Variants in NDC1 observed in about 807,000 individuals in gnomAD.
The protein encoded by NDC1 is nucleoporin NDC1.
NDC1 carries 24 observed loss-of-function variants against 89.8 expected under a neutral mutation model. The ratio of observed to expected loss-of-function variants is 0.27; its 90% confidence interval spans 0.19 to 0.38. NDC1 has a LOEUF of 0.38. Among genes scored for constraint, NDC1 ranks in the 10% least tolerant of loss-of-function variants. The probability of loss-of-function intolerance (pLI) is 1.00; values close to 1 mark genes in which losing one functional copy is unlikely to be tolerated. For synonymous variants in NDC1, 296 were observed against 284.8 expected (o/e 1.04, Z -0.39); for missense variants, 728 against 797.6 (o/e 0.91, Z 1.05).
At chr1:53,824,299 G>A (rs1199485561) in intron 5 of NDC1, among the ~76,000 whole-genome samples, 1 of 151,466 alleles carries the variant, frequency 6.6e-6, no homozygotes, top group Non-Finnish European at 1.5e-5. Flanking sequence ...ACACGGTCTA[G>A]CCATGTTGCC....
In NDC1 at chr1:53,827,996, T is replaced by C; in HGVS notation, c.455+3A>G. 1 of 1,591,716 alleles carries C rather than the reference T, an allele frequency of 6.3e-7. No homozygotes were observed. The highest frequency in any genetic ancestry group is 8.6e-7 in the Non-Finnish European group (1 of 1,167,382). On this transcript the variant is annotated splice_donor_region_variant and intron_variant, in intron 4 of 17. Coordinates refer to ENST00000371429, the MANE Select transcript of NDC1 (RefSeq NM_018087.5). ...TCCTAAGGAAATATATATTTAATAT[T>C]ACCTGTTAGTACCAGTGCAGGGAAC...
At chr1:53,827,279 A>C (rs901095896) in intron 4 of NDC1, among the ~76,000 whole-genome samples, 6 of 151,646 alleles carry the variant, frequency 4.0e-5, no homozygotes, top group East Asian at 1.9e-4. Context: ...AAAAAAAAAA[A>C]AAAAAAAACA....
intron 6 of NDC1, among the ~76,000 whole-genome samples, chr1:53,813,342 G>T (rs1648373392): frequency 6.6e-6 from 1 of 152,074 alleles, no homozygotes; most frequent in Admixed American, 6.5e-5. Context: ...ACCACAGAAT[G>T]GATAAGAACT....
In NDC1 at chr1:53,835,597, T is replaced by C. The variant is rs1239729818; in HGVS notation, c.81A>G (p.Ala27=). 6.2e-7 allele frequency: 1 copy of C among 1,612,622 alleles called. No homozygotes were observed. Among genetic ancestry groups the C allele is most frequent in the Non-Finnish European group, 8.5e-7 (1 of 1,179,428 alleles). ...LWRVLGWRIV[A]SIVWSVLFLP... ...GAAATAGCACTGACCAAACAATACTTGCAACTATCCTCCAGCCCAAAACCT... is the reference window on the plus strand; with the variant it reads ...GAAATAGCACTGACCAAACAATACTCGCAACTATCCTCCAGCCCAAAACCT... The change falls in exon 2 of 18, where the codon GCA becomes GCG. Residue 27 remains alanine, a synonymous_variant. Transcript: ENST00000371429.
intron 4 of NDC1, among the ~76,000 whole-genome samples, chr1:53,826,706 G>C (rs1375509486): frequency 6.6e-6 from 1 of 152,012 alleles, no homozygotes; most frequent in Non-Finnish European, 1.5e-5. Flanking sequence ...AGATATCTGG[G>C]GGTATACAGA....
chr1:53,829,667 A>G (rs1648987673), intron 3 of NDC1, among the ~76,000 whole-genome samples: 1 of 152,210 alleles, frequency 6.6e-6, no homozygotes, highest in Non-Finnish European at 1.5e-5. Context: ...TGGTTACTGA[A>G]GGAATGAGCC....
chr1:53,806,841 A>G (rs1050514268), intron 8 of NDC1, among the ~76,000 whole-genome samples: 3 of 152,258 alleles, frequency 2.0e-5, no homozygotes, highest in African/African-American at 7.2e-5. Context: ...TGGATGATAA[A>G]AACAATGTAA....
At chr1:53,810,076 A>G (rs959600280) in intron 6 of NDC1, among the ~76,000 whole-genome samples, 3 of 152,238 alleles carry the variant, frequency 2.0e-5, no homozygotes, top group Non-Finnish European at 4.4e-5. Context: ...ACACAAATCA[A>G]TATGTAGATA....
rs936700121 is a variant in NDC1, at chr1:53,819,023, A to C, written c.651T>G (p.Cys217Trp). 5.1e-6 allele frequency: 8 copies of C among 1,581,442 alleles called. No individual in the cohort carries two copies. Among genetic ancestry groups the C allele is most frequent in the Non-Finnish European group, 6.8e-6 (8 of 1,168,206 alleles). ...TTCTAACCAGGAACAGTGATTCCACACAACTGTGTTTAACTAATAAGAGCA... is the reference window on the plus strand; with the variant it reads ...TTCTAACCAGGAACAGTGATTCCACCCAACTGTGTTTAACTAATAAGAGCA... ...RSLLLLVKHS[C>W]VESLFLVRNF... Residue 217 changes from cysteine (C) to tryptophan (W), a missense_variant, in exon 6 of 18, where the codon TGT (cysteine) becomes TGG (tryptophan). By Grantham distance (215) the Cys-to-Trp change is radical. Coordinates refer to ENST00000371429, the MANE Select transcript of NDC1 (RefSeq NM_018087.5).
chr1:53,803,177 C>A (rs1006406717), intron 10 of NDC1, among the ~76,000 whole-genome samples: 2 of 152,092 alleles, frequency 1.3e-5, no homozygotes, highest in African/African-American at 4.8e-5. Flanking sequence ...GCAATCCTCC[C>A]AGCTCAGCTC....
intron 5 of NDC1, among the ~76,000 whole-genome samples, chr1:53,824,816 A>G (rs919800901): frequency 4.6e-5 from 7 of 152,214 alleles, no homozygotes; most frequent in Non-Finnish European, 8.8e-5. Flanking sequence ...ATGATAGGAG[A>G]CAGTAAGTGA....
intron 16 of NDC1, among the ~76,000 whole-genome samples, chr1:53,773,528 C>A (rs1194019760): frequency 6.6e-6 from 1 of 152,162 alleles, no homozygotes; most frequent in Non-Finnish European, 1.5e-5. Context: ...CCTCAGAAAT[C>A]TAGTGATCCT....
intron 6 of NDC1, among the ~76,000 whole-genome samples, chr1:53,815,323 A>G (rs549187728): frequency 1.3e-5 from 2 of 152,352 alleles, no homozygotes; most frequent in Non-Finnish European, 1.5e-5. Flanking sequence ...AATGTGATAC[A>G]CCACATAAAC....
intron 1 of NDC1, among the ~76,000 whole-genome samples, chr1:53,837,902 C>A (rs1040082386): frequency 6.6e-6 from 1 of 152,210 alleles, no homozygotes; most frequent in Admixed American, 6.5e-5. Context: ...TTATTTTGCA[C>A]CTACTGGATA....
chr1:53,784,249 ACG>A (rs1557568153), intron 16 of NDC1, among the ~76,000 whole-genome samples: 2 of 151,792 alleles, frequency 1.3e-5, no homozygotes, highest in Non-Finnish European at 2.9e-5. Context: ...ACACACACAC[ACG>A]CACACACTAT....
At chr1:53,835,803 C>G (rs1245366650) in intron 1 of NDC1, among the ~76,000 whole-genome samples, 183 bp from the exon 2 acceptor site, 1 of 152,114 alleles carries the variant, frequency 6.6e-6, no homozygotes, top group African/African-American at 2.4e-5. Context: ...GAGCTGATGC[C>G]TGCATTAGTA....
intron 16 of NDC1, among the ~76,000 whole-genome samples, chr1:53,773,986 GA>G (rs1647141293): frequency 6.6e-6 from 1 of 152,158 alleles, no homozygotes; most frequent in East Asian, 1.9e-4. Flanking sequence ...CGTGGTTCTA[GA>G]GTTACTTGGT....
intron 13 of NDC1, among the ~76,000 whole-genome samples, chr1:53,794,609 C>T (rs1281169503): frequency 6.6e-6 from 1 of 152,134 alleles, no homozygotes; most frequent in Non-Finnish European, 1.5e-5. Flanking sequence ...GTGGCTCGCG[C>T]CTGTAATTCC....
chr1:53,770,006 G>T (rs981838483), intron 17 of NDC1, among the ~76,000 whole-genome samples: 1 of 152,146 alleles, frequency 6.6e-6, no homozygotes, highest in African/African-American at 2.4e-5. Context: ...AGCTAATGAT[G>T]CAAGCAGACA....
Sources: allele counts gnomAD v4.1 joint callset (sites outside exome capture counted in the v4.1 genomes callset), GRCh38; gene constraint gnomAD v4.1.1; transcripts MANE v1.5; gene names NCBI Gene and HGNC (gene_info 2026-07-23, HGNC 2026-07-21).